The following GRK5 variants were observed in gnomAD, a reference collection of about 807,000 sequenced individuals.
GRK5 encodes the protein G protein-coupled receptor kinase 5.
Under a neutral mutation model 78.4 loss-of-function variants are expected in GRK5, and 40 were observed. The observed-to-expected ratio is 0.51, with a 90% CI of 0.40 to 0.66. GRK5 has a LOEUF of 0.66. Among genes scored for constraint, GRK5 ranks in the 30% least tolerant of loss-of-function variants. The pLI is 0.00. For synonymous variants in GRK5, 289 were observed against 296.8 expected, an observed-to-expected ratio of 0.97 and a Z score of 0.27; for missense variants, 598 against 759.9, an observed-to-expected ratio of 0.79 and a Z score of 2.50.
At chr10:119,410,458 T>C (rs1852317783) in intron 4 of GRK5, among the ~76,000 whole-genome samples, 1 of 152,202 alleles carries the variant, frequency 6.6e-6, no homozygotes, top group Non-Finnish European at 1.5e-5. Flanking sequence ...TCTGAAGGGC[T>C]GGGTTTTTCT....
chr10:119,369,462 A>G (rs900049602), intron 2 of GRK5, among the ~76,000 whole-genome samples: 10 of 152,168 alleles, frequency 6.6e-5, no homozygotes, highest in African/African-American at 2.2e-4. Flanking sequence ...GCAGCTGCGC[A>G]TTCCCCAGGC....
At chr10:119,391,169 G>GTGAATCCCTTGGCCCATCTA (rs1275439096) in intron 3 of GRK5, among the ~76,000 whole-genome samples, 18 of 152,236 alleles carry the variant, frequency 1.2e-4, no homozygotes, top group Non-Finnish European at 4.4e-5. Context: ...ATTGCCCTAA[G>GTGAATCCCTTGGCCCATCTA]TTGGGCCAGT....
In GRK5 at chr10:119,455,173, C is replaced by A. The variant is rs752869132; in HGVS notation, c.*106C>A. 2 of 908,114 alleles carry A rather than the reference C, an allele frequency of 2.2e-6. No homozygotes were observed. Among genetic ancestry groups the A allele is most frequent in the South Asian group, 1.3e-5 (1 of 75,158 alleles). 56.3% of individuals were successfully genotyped at this position (908,114 alleles called of 1,614,324 possible). A position where few individuals can be genotyped will look rare whatever the true frequency, so the allele number is the denominator to read the frequency against. On this transcript the variant is annotated 3_prime_UTR_variant, in exon 16 of 16. Coordinates refer to ENST00000392870, the MANE Select transcript of GRK5 (RefSeq NM_005308.3). ...CTGGTGGGGCTGCCAGGGGAGACCC[C>A]GGGAGCCGGGGAAGGAGGCCGTCCA...
In GRK5 at chr10:119,228,352, A is replaced by C. The variant is rs574876739; in HGVS notation, c.52+20383A>C. ...AAAGTGATACCCTGTCTCAAAAAAAACAAAACAAAACAAAAAACCAACCCG... is the reference window on the plus strand; with the variant it reads ...AAAGTGATACCCTGTCTCAAAAAAACCAAAACAAAACAAAAAACCAACCCG... On this transcript the variant is annotated intron_variant, in intron 1 of 15. Transcript: ENST00000392870. Among the ~76,000 whole-genome samples, 3 of 151,952 alleles carry C rather than the reference A, an allele frequency of 2.0e-5. No homozygotes were observed. In the East Asian group the frequency reaches 5.8e-4, roughly 29 times the overall value.
At chr10:119,284,592 G>A (rs2133693950) in intron 1 of GRK5, among the ~76,000 whole-genome samples, 1 of 152,322 alleles carries the variant, frequency 6.6e-6, no homozygotes, top group African/African-American at 2.4e-5. Flanking sequence ...CACATCTCAA[G>A]TGCTCCTCAG....
At chr10:119,349,806 A>C (rs1851161558) in intron 2 of GRK5, among the ~76,000 whole-genome samples, 1 of 152,184 alleles carries the variant, frequency 6.6e-6, no homozygotes. Flanking sequence ...GAAGAGGAGG[A>C]AGGCCTCCTA....
intron 3 of GRK5, among the ~76,000 whole-genome samples, chr10:119,387,620 A>T (rs1187911096): frequency 6.6e-6 from 1 of 152,232 alleles, no homozygotes; most frequent in Non-Finnish European, 1.5e-5. Context: ...GGCTAGTGTC[A>T]GCCCCCACAG....
intron 1 of GRK5, among the ~76,000 whole-genome samples, chr10:119,242,006 A>C (rs1049485478): frequency 6.6e-6 from 1 of 152,114 alleles, no homozygotes; most frequent in East Asian, 1.9e-4. Flanking sequence ...AGGGTTGTTT[A>C]GTAGGTAAGA....
At chr10:119,438,863 C>T (rs1199965935) in intron 9 of GRK5, among the ~76,000 whole-genome samples, 1 of 152,220 alleles carries the variant, frequency 6.6e-6, no homozygotes, top group African/African-American at 2.4e-5. Flanking sequence ...AATAAGGATA[C>T]ACAAACACCA....
chr10:119,430,816 C>T lies in GRK5; in HGVS notation c.597+378C>T, dbSNP rs540721997. ...CGCTGTCATGCAAGATTCGAGATTT[C>T]GTTGTACATTACCCGATCTTCCCAG... On this transcript the variant is annotated intron_variant, in intron 7 of 15. Transcript: ENST00000392870. The surrounding 1 kb of genome is among the most constrained non-coding windows in gnomAD (Gnocchi z 4.5). Among the ~76,000 whole-genome samples, 5 of 152,120 alleles carry T rather than the reference C, an allele frequency of 3.3e-5. No individual in the cohort carries two copies. The highest frequency in any genetic ancestry group is 7.4e-5 in the Non-Finnish European group (5 of 68,008).
At chr10:119,392,154 G>A (rs929044994) in intron 3 of GRK5, among the ~76,000 whole-genome samples, 1 of 152,210 alleles carries the variant, frequency 6.6e-6, no homozygotes, top group African/African-American at 2.4e-5. Context: ...AGAGAATGAA[G>A]TATTAGGGCT....
intron 1 of GRK5, among the ~76,000 whole-genome samples, chr10:119,290,116 G>A (rs1338347484): frequency 6.6e-6 from 1 of 152,104 alleles, no homozygotes; most frequent in Non-Finnish European, 1.5e-5. Context: ...GGAGGCCAAG[G>A]CGGGTGGATT....
chr10:119,231,898 A>G (rs187474434), intron 1 of GRK5, among the ~76,000 whole-genome samples: 138 of 152,328 alleles, frequency 9.1e-4, no homozygotes, highest in African/African-American at 3.3e-3. Context: ...AAACTAGTAC[A>G]GCCACGATGG....
At chr10:119,212,025 C>T (rs1051086441) in intron 1 of GRK5, among the ~76,000 whole-genome samples, 2 of 152,216 alleles carry the variant, frequency 1.3e-5, no homozygotes, top group Non-Finnish European at 2.9e-5. Context: ...ACGTACTCCA[C>T]CCTGAAGCTT....
intron 4 of GRK5, among the ~76,000 whole-genome samples, chr10:119,419,399 A>C (rs1193807218): frequency 1.3e-5 from 2 of 152,250 alleles, no homozygotes; most frequent in Non-Finnish European, 2.9e-5. Context: ...TCCGACTACA[A>C]CTACTCGCTT....
chr10:119,265,573 C>T (rs1484801564), intron 1 of GRK5, among the ~76,000 whole-genome samples: 2 of 152,170 alleles, frequency 1.3e-5, no homozygotes, highest in African/African-American at 4.8e-5. Flanking sequence ...CCAAATGGGC[C>T]AGCACCTAGA....
chr10:119,249,459 T>C (rs1849165664), intron 1 of GRK5, among the ~76,000 whole-genome samples: 1 of 152,186 alleles, frequency 6.6e-6, no homozygotes, highest in Non-Finnish European at 1.5e-5. Flanking sequence ...GTATCAAATA[T>C]GTATGAATTG....
intron 5 of GRK5, among the ~76,000 whole-genome samples, chr10:119,423,893 G>A (rs538342085): frequency 1.3e-5 from 2 of 152,206 alleles, no homozygotes; most frequent in African/African-American, 4.8e-5. Context: ...GGGGCTTTTT[G>A]TGTGCCCTTA....
intron 4 of GRK5, among the ~76,000 whole-genome samples, chr10:119,413,107 C>T (rs1009606924): frequency 1.3e-5 from 2 of 152,088 alleles, no homozygotes; most frequent in Admixed American, 6.5e-5. Context: ...AGGAGGAGGG[C>T]GTTCTCTCCT....
Sources: allele counts gnomAD v4.1 joint callset (sites outside exome capture counted in the v4.1 genomes callset), GRCh38; gene constraint gnomAD v4.1.1; non-coding constraint Gnocchi (gnomAD v3.1); transcripts MANE v1.5; gene names NCBI Gene and HGNC (gene_info 2026-07-23, HGNC 2026-07-21).